KIT: variants seen among roughly 807,000 people sequenced by gnomAD.
The protein encoded by KIT is mast/stem cell growth factor receptor Kit.
In KIT, 16 loss-of-function variants were observed where a neutral mutation model predicts 105.7. The observed-to-expected ratio is 0.15, with a 90% CI of 0.10 to 0.23. The LOEUF (loss-of-function observed/expected upper bound fraction) is 0.23. KIT is among the 10% of genes least tolerant of loss of function. The pLI, the probability that KIT is intolerant of heterozygous loss-of-function variation, is 1.00. For missense variants in KIT, 858 were observed against 1,213.8 expected, an observed-to-expected ratio of 0.71 and a Z score of 4.36; for synonymous variants, 438 against 441.1, an observed-to-expected ratio of 0.99 and a Z score of 0.09.
chr4:54,730,404 A>G (rs748872605), intron 14 of KIT, among the ~76,000 whole-genome samples: 1 of 152,152 alleles, frequency 6.6e-6, no homozygotes, highest in Non-Finnish European at 1.5e-5. Context: ...AATATTATTG[A>G]TGGGCAATTA....
chr4:54,671,617 T>C (rs1487812986), intron 1 of KIT, among the ~76,000 whole-genome samples: 2 of 152,198 alleles, frequency 1.3e-5, no homozygotes, highest in African/African-American at 4.8e-5. Flanking sequence ...AATTTCAGGG[T>C]CTACATTTAA....
chr4:54,665,086 T>G (rs763105669), intron 1 of KIT, among the ~76,000 whole-genome samples: 1 of 152,200 alleles, frequency 6.6e-6, no homozygotes, highest in Non-Finnish European at 1.5e-5. Context: ...TTCTACTTTC[T>G]GTCTCTGAAT....
intron 13 of KIT, among the ~76,000 whole-genome samples, chr4:54,728,801 A>G (rs184664962): frequency 1.2e-3 from 185 of 152,318 alleles, no homozygotes; most frequent in Admixed American, 4.2e-3. Context: ...CTTCTAAACT[A>G]CAGTTTAAAC....
At chr4:54,687,203 C>T (rs1467084088) in intron 1 of KIT, among the ~76,000 whole-genome samples, 3 of 152,062 alleles carry the variant, frequency 2.0e-5, no homozygotes, top group African/African-American at 7.2e-5. Context: ...TTTGGGAGGC[C>T]GAGGCGGGTG....
rs1039602131 is a variant in KIT at position 54,738,859 on chromosome 4, T to C, written c.*302T>C. 8.4e-6 allele frequency: 5 copies of C among 598,178 alleles called. No individual in the cohort carries two copies. Among genetic ancestry groups the C allele is most frequent in the African/African-American group, 7.4e-5 (4 of 53,816 alleles). The allele number at this position is 598,178 out of a possible 1,614,324, so 37.1% of individuals were successfully genotyped here. A position where few individuals can be genotyped will look rare whatever the true frequency, so the allele number is the denominator to read the frequency against. ...GGGGGCCAGAGTCCTTTCCAAGGCTTCTCCAATTCTGCCCAAAAATATGGT... is the reference window on the plus strand; with the variant it reads ...GGGGGCCAGAGTCCTTTCCAAGGCTCCTCCAATTCTGCCCAAAAATATGGT... On this transcript the variant is annotated 3_prime_UTR_variant, in exon 21 of 21. Transcript: ENST00000288135.
At chr4:54,728,346 G>A (rs1242985209) in intron 13 of KIT, among the ~76,000 whole-genome samples, 3 of 152,196 alleles carry the variant, frequency 2.0e-5, no homozygotes, top group East Asian at 3.9e-4. Context: ...AGTTATTGTC[G>A]TATTTGTAAC....
rs767460329 is a variant in KIT at position 54,736,835 on chromosome 4, A to T, written c.2696+15A>T. On this transcript the variant is annotated intron_variant, in intron 19 of 20. Transcript: ENST00000288135. ...CCTGCTGAAATGTAAGAGCCAAAAA[A>T]TTTTTCCTTTAGGTCACGTTTTCCC... 6.2e-7 allele frequency: 1 copy of T among 1,609,998 alleles called. No homozygotes were observed. The highest frequency in any genetic ancestry group is 8.5e-7 in the Non-Finnish European group (1 of 1,176,442).
intron 2 of KIT, chr4:54,696,031 C>T (rs186854132): frequency 3.8e-5 from 21 of 546,180 alleles, no homozygotes; most frequent in Non-Finnish European, 5.6e-5. Context: ...TAGGTTTAGC[C>T]CATTTGTGCT....
rs1553887953 is a variant in KIT, at chr4:54,699,758, A to G, written c.748A>G (p.Asn250Asp). 2 of 1,613,782 alleles carry G rather than the reference A, an allele frequency of 1.2e-6. No homozygotes were observed. Among genetic ancestry groups the G allele is most frequent in the Non-Finnish European group, 1.7e-6 (2 of 1,179,780 alleles). Reference protein sequence around the residue: ...SSVYSTWKRENSQTKLQEKYN... With the variant: ...SSVYSTWKREDSQTKLQEKYN... ...TGTGTACTCAACGTGGAAAAGAGAA[A>G]ACAGTCAGGTGAGTGAATCGCTTCA... Residue 250 changes from asparagine (N) to aspartate (D), a missense_variant, in exon 4 of 21, where the codon AAC becomes GAC. Physicochemically the swap from Asn to Asp is conservative, Grantham distance 23. Coordinates refer to ENST00000288135, the MANE Select transcript of KIT (RefSeq NM_000222.3).
At chr4:54,669,423 G>T (rs567107567) in intron 1 of KIT, among the ~76,000 whole-genome samples, 5 of 152,388 alleles carry the variant, frequency 3.3e-5, no homozygotes, top group Admixed American at 3.3e-4. Flanking sequence ...CCCCCACGGG[G>T]TCTAGTGGCT....
At chr4:54,670,126 C>G (rs369632924) in intron 1 of KIT, among the ~76,000 whole-genome samples, 125 of 152,280 alleles carry the variant, frequency 8.2e-4, no homozygotes, top group African/African-American at 3.0e-3. Flanking sequence ...TCTTCACTTT[C>G]AGGACCTTTG....
intron 7 of KIT, among the ~76,000 whole-genome samples, chr4:54,712,038 G>A (rs137923913): frequency 2.6e-5 from 4 of 152,088 alleles, no homozygotes; most frequent in African/African-American, 7.2e-5. Context: ...AGAGATGACC[G>A]TAGGTAAATC....
At chr4:54,691,029 T>G (rs1719672243) in intron 1 of KIT, among the ~76,000 whole-genome samples, 2 of 152,192 alleles carry the variant, frequency 1.3e-5, no homozygotes, top group African/African-American at 4.8e-5. Flanking sequence ...CATGAACTCA[T>G]GATCTTGAAT....
In KIT at chr4:54,727,240, G is replaced by T. The variant is rs2109773826; in HGVS notation, c.1563G>T (p.Leu521=). Residue 521 remains leucine, a synonymous_variant, in exon 10 of 21, where the codon CTG becomes CTT. Transcript: ENST00000288135. Reference sequence around the variant, plus strand: ...TAGAGCAAATCCATCCCCACACCCTGTTCACTCCTTTGCTGATTGGTTTCG... The same window carrying T: ...TAGAGCAAATCCATCCCCACACCCTTTTCACTCCTTTGCTGATTGGTTTCG... ...NNKEQIHPHT[L]FTPLLIGFVI... 1 of 1,614,058 alleles carries T rather than the reference G, an allele frequency of 6.2e-7. No homozygotes were observed. The highest frequency in any genetic ancestry group is 1.6e-4 in the Middle Eastern group (1 of 6,062).
intron 7 of KIT, among the ~76,000 whole-genome samples, chr4:54,720,091 C>T (rs1471530715): frequency 1.3e-5 from 2 of 152,046 alleles, no homozygotes; most frequent in African/African-American, 2.4e-5. Context: ...CTTCTCTTGC[C>T]TTACTCTTGT....
chr4:54,693,133 G>T (rs1408302637), intron 1 of KIT, among the ~76,000 whole-genome samples: 1 of 152,154 alleles, frequency 6.6e-6, no homozygotes, highest in African/African-American at 2.4e-5. Context: ...CAAGGGAGAG[G>T]TCTGCATTTG....
chr4:54,684,846 G>T (rs1719200638), intron 1 of KIT, among the ~76,000 whole-genome samples: 1 of 152,150 alleles, frequency 6.6e-6, no homozygotes, highest in South Asian at 2.1e-4. Flanking sequence ...CATGCAGCTG[G>T]GATTGCTAAT....
rs2109820324 is a variant in KIT at position 54,738,635 on chromosome 4, C to G, written c.*78C>G. The G allele has an allele frequency of 6.4e-7, 1 of 1,561,412 alleles. No individual in the cohort carries two copies. The highest frequency in any genetic ancestry group is 8.7e-7 in the Non-Finnish European group (1 of 1,142,940). On this transcript the variant is annotated 3_prime_UTR_variant, in exon 21 of 21. Coordinates refer to ENST00000288135, the MANE Select transcript of KIT (RefSeq NM_000222.3). Reference sequence around the variant, plus strand: ...CCATGATGGTTATTTTCTTTTCTTTCAACTTGCATCCAACTCCAGGATAGT... The same window carrying G: ...CCATGATGGTTATTTTCTTTTCTTTGAACTTGCATCCAACTCCAGGATAGT...
At chr4:54,697,128 G>A (rs1720125369) in intron 2 of KIT, among the ~76,000 whole-genome samples, 1 of 152,180 alleles carries the variant, frequency 6.6e-6, no homozygotes. Context: ...ATCATTGTAG[G>A]AGCTAGACTC....
Sources: gnomAD v4.1 joint callset for allele counts (sites outside exome capture counted in the v4.1 genomes callset) on GRCh38, gnomAD v4.1.1 for gene constraint, MANE v1.5 for transcripts, NCBI Gene and HGNC (gene_info 2026-07-23, HGNC 2026-07-21) for gene names.